DDX10: variants seen among roughly 807,000 people sequenced by gnomAD.
DDX10 encodes probable ATP-dependent RNA helicase DDX10.
Under a neutral mutation model 104.3 loss-of-function variants are expected in DDX10, and 74 were observed. The ratio of observed to expected loss-of-function variants is 0.71; its 90% CI spans 0.59 to 0.86. The LOEUF is 0.86. Ranked by LOEUF, DDX10 falls within the 40% of genes least tolerant of loss-of-function variation. The probability of loss-of-function intolerance (pLI) is 0.00; values close to 1 mark genes in which losing one functional copy is unlikely to be tolerated. For missense variants in DDX10, 952 were observed against 1,040.0 expected, an observed-to-expected ratio of 0.92 and a Z score of 1.16; for synonymous variants, 351 against 353.4, an observed-to-expected ratio of 0.99 and a Z score of 0.08.
At chr11:108,717,462 A>G (rs2094292986) in intron 11 of DDX10, among the ~76,000 whole-genome samples, 1 of 152,110 alleles carries the variant, frequency 6.6e-6, no homozygotes, top group South Asian at 2.1e-4. Context: ...GGCATGCGCC[A>G]CCACACCCGG....
intron 13 of DDX10, among the ~76,000 whole-genome samples, chr11:108,781,527 G>A (rs148944679): frequency 1.3e-5 from 2 of 152,260 alleles, no homozygotes; most frequent in South Asian, 2.1e-4. Context: ...GAACTATATG[G>A]AGGGATTATC....
intron 9 of DDX10, among the ~76,000 whole-genome samples, chr11:108,701,586 A>G (rs906350068): frequency 6.6e-6 from 1 of 151,382 alleles, no homozygotes; most frequent in African/African-American, 2.4e-5. Flanking sequence ...TTTTATCTAA[A>G]GTTATACAGC....
intron 16 of DDX10, among the ~76,000 whole-genome samples, chr11:108,869,197 G>GTTTTTTT (rs58883084): frequency 6.8e-6 from 1 of 147,882 alleles, no homozygotes; most frequent in African/African-American, 2.5e-5. Flanking sequence ...TAAACCCGTT[G>GTTTTTTT]TTTTTTTTTT....
rs920534254 is a variant in DDX10 at position 108,677,156 on chromosome 11, G to A, written c.450G>A (p.Thr150=). ...TGGGGGTTCTCATAATATCACCTACGAGAGAACTGGCCTATCAGACCTTTG... is the reference window on the plus strand; with the variant it reads ...TGGGGGTTCTCATAATATCACCTACAAGAGAACTGGCCTATCAGACCTTTG... ...DGLGVLIISP[T]RELAYQTFEV... The change falls in exon 4 of 18, where the codon ACG becomes ACA. Residue 150 remains threonine (T), a synonymous_variant. Coordinates refer to ENST00000322536, the MANE Select transcript of DDX10 (RefSeq NM_004398.4). 14 of 1,613,768 alleles carry A rather than the reference G, an allele frequency of 8.7e-6. No individual in the cohort carries two copies. The highest frequency in any genetic ancestry group is 6.7e-5 in the African/African-American group (5 of 74,858).
chr11:108,729,552 C>T (rs1385826760), intron 13 of DDX10, among the ~76,000 whole-genome samples: 2 of 151,982 alleles, frequency 1.3e-5, no homozygotes, highest in African/African-American at 2.4e-5. Flanking sequence ...AAAAACAAAA[C>T]AAGGAAGAAC....
At chr11:108,775,839 G>A (rs1053175408) in intron 13 of DDX10, among the ~76,000 whole-genome samples, 3 of 152,044 alleles carry the variant, frequency 2.0e-5, no homozygotes, top group African/African-American at 7.2e-5. Context: ...GTCCTTCTAC[G>A]TGACTATTAT....
intron 13 of DDX10, among the ~76,000 whole-genome samples, chr11:108,744,613 A>G (rs2094329173): frequency 1.3e-5 from 2 of 152,192 alleles, no homozygotes; most frequent in Admixed American, 1.3e-4. Context: ...AACCCTCAAT[A>G]GTTAACCAAG....
chr11:108,668,705 G>A (rs530753037), intron 1 of DDX10, among the ~76,000 whole-genome samples: 24 of 152,080 alleles, frequency 1.6e-4, no homozygotes. Flanking sequence ...TTGTCTAGGC[G>A]GGTGTGAGTA....
Position 108,715,891 on chromosome 11 carries a change from A to G in DDX10, c.1335A>G (p.Glu445=), listed in dbSNP as rs775902088. The G allele has an allele frequency of 1.3e-6, 2 of 1,519,230 alleles. No homozygotes were observed. The highest frequency in any genetic ancestry group is 1.8e-6 in the Non-Finnish European group (2 of 1,100,244). 94.1% of individuals were successfully genotyped at this position (1,519,230 alleles called of 1,614,324 possible). The change falls in exon 11 of 18, where the codon GAA becomes GAG. Residue 445 remains glutamate, a synonymous_variant. Coordinates refer to ENST00000322536, the MANE Select transcript of DDX10 (RefSeq NM_004398.4). Reference sequence around the variant, plus strand: ...TTTTGTTACAAAGAATCAATCCAGAAAAACTTATAGATGTCCAGAAAAAAT... The same window carrying G: ...TTTTGTTACAAAGAATCAATCCAGAGAAACTTATAGATGTCCAGAAAAAAT... ...VPVKEIKINP[E]KLIDVQKKLE...
At chr11:108,738,981 A>G (rs1240219223) in intron 13 of DDX10, among the ~76,000 whole-genome samples, 2 of 152,074 alleles carry the variant, frequency 1.3e-5, no homozygotes, top group South Asian at 2.1e-4. Flanking sequence ...GGAGACCCCT[A>G]TTGTTATTAA....
chr11:108,838,640 A>G (rs1011554540), intron 14 of DDX10, 75 bp downstream of exon 14: 4 of 1,466,616 alleles, frequency 2.7e-6, no homozygotes, highest in Non-Finnish European at 2.7e-6. Flanking sequence ...CTTACTTAGC[A>G]CTCATTAATG....
intron 16 of DDX10, among the ~76,000 whole-genome samples, chr11:108,879,866 C>T (rs937927698): frequency 2.6e-5 from 4 of 152,132 alleles, no homozygotes; most frequent in Non-Finnish European, 5.9e-5. Context: ...TCAAAATGTT[C>T]TGTTGCTTCT....
intron 13 of DDX10, among the ~76,000 whole-genome samples, chr11:108,834,508 A>C (rs1449735812): frequency 6.6e-6 from 1 of 152,078 alleles, no homozygotes; most frequent in Non-Finnish European, 1.5e-5. Context: ...TGTAACTCAA[A>C]CTTATCAAGA....
intron 13 of DDX10, among the ~76,000 whole-genome samples, chr11:108,829,701 A>C (rs567629710): frequency 2.3e-4 from 35 of 152,314 alleles, no homozygotes; most frequent in African/African-American, 7.7e-4. Flanking sequence ...ATCTTCTAGA[A>C]TCTTTATGGT....
chr11:108,794,987 C>T (rs998044589), intron 13 of DDX10, among the ~76,000 whole-genome samples: 4 of 152,084 alleles, frequency 2.6e-5, no homozygotes, highest in African/African-American at 9.7e-5. Context: ...GCCACTGTGC[C>T]TGGCTAATTT....
chr11:108,874,597 T>G (rs1441119898), intron 16 of DDX10, among the ~76,000 whole-genome samples: 1 of 152,158 alleles, frequency 6.6e-6, no homozygotes, highest in African/African-American at 2.4e-5. Context: ...TTCTTGAACT[T>G]CTGGCCTTAA....
At chr11:108,809,356 C>T (rs1862146048) in intron 13 of DDX10, among the ~76,000 whole-genome samples, 1 of 152,180 alleles carries the variant, frequency 6.6e-6, no homozygotes, top group Non-Finnish European at 1.5e-5. Context: ...AGGGACTCCG[C>T]CCCCTTCCTC....
At chr11:108,926,123 A>C (rs1282277776) in intron 17 of DDX10, among the ~76,000 whole-genome samples, 1 of 152,138 alleles carries the variant, frequency 6.6e-6, no homozygotes, top group African/African-American at 2.4e-5. Flanking sequence ...CATAAACTCA[A>C]CTTGTATGAT....
chr11:108,754,797 C>G (rs1358130111), intron 13 of DDX10, among the ~76,000 whole-genome samples: 5 of 152,022 alleles, frequency 3.3e-5, no homozygotes, highest in African/African-American at 1.2e-4. Flanking sequence ...AAACCTTATT[C>G]ACTATTCTAT....
Sources: gnomAD v4.1 joint callset for allele counts (sites outside exome capture counted in the v4.1 genomes callset) on GRCh38, gnomAD v4.1.1 for gene constraint, MANE v1.5 for transcripts, NCBI Gene and HGNC (gene_info 2026-07-23, HGNC 2026-07-21) for gene names.